Variants in NCKAP5 observed in about 807,000 individuals in gnomAD.
NCKAP5 encodes nck-associated protein 5.
In NCKAP5, 92 loss-of-function variants were observed where a neutral mutation model predicts 167.0. That is an observed-to-expected ratio of 0.55 (90% CI 0.47 to 0.66). NCKAP5 has a LOEUF of 0.66. NCKAP5 is among the 30% of genes least tolerant of loss of function. The probability of loss-of-function intolerance (pLI) is 0.00; values close to 1 mark genes in which losing one functional copy is unlikely to be tolerated. For missense variants in NCKAP5, 2,378 were observed against 2,315.0 expected (o/e 1.03, Z -0.56); for synonymous variants, 891 against 877.4 (o/e 1.02, Z -0.27).
At chr2:132,847,420 T>A (rs1688744455) in intron 11 of NCKAP5, among the ~76,000 whole-genome samples, 1 of 152,188 alleles carries the variant, frequency 6.6e-6, no homozygotes, top group African/African-American at 2.4e-5. Context: ...GGCAAGGTCA[T>A]GATATTAATG....
chr2:132,868,088 T>C (rs964173331), intron 10 of NCKAP5, among the ~76,000 whole-genome samples: 8 of 152,104 alleles, frequency 5.3e-5, no homozygotes, highest in African/African-American at 1.9e-4. Context: ...ATTAAAAAAA[T>C]CAAAATGGCA....
intron 4 of NCKAP5, among the ~76,000 whole-genome samples, chr2:133,275,321 T>A (rs1056736695): frequency 2.0e-5 from 3 of 152,016 alleles, no homozygotes; most frequent in African/African-American, 7.2e-5. Flanking sequence ...TGGATATATT[T>A]ATTAAGTTGA....
At chr2:132,703,314 G>A (rs1364432615) in intron 19 of NCKAP5, among the ~76,000 whole-genome samples, 1 of 152,150 alleles carries the variant, frequency 6.6e-6, no homozygotes, top group Non-Finnish European at 1.5e-5. Flanking sequence ...ATATTGTCAT[G>A]TTGGGACATG....
intron 19 of NCKAP5, among the ~76,000 whole-genome samples, chr2:132,693,483 G>A (rs539665791): frequency 2.0e-5 from 3 of 152,124 alleles, no homozygotes; most frequent in African/African-American, 4.8e-5. Flanking sequence ...AGAGCTGTGC[G>A]GCTGCAAACC....
At chr2:133,467,516 T>C (rs929801650) in intron 3 of NCKAP5, among the ~76,000 whole-genome samples, 1 of 150,946 alleles carries the variant, frequency 6.6e-6, no homozygotes, top group African/African-American at 2.4e-5. Flanking sequence ...AGAATGATGC[T>C]GGCCTCATAA....
At chr2:133,321,489 G>A (rs1407731231) in intron 3 of NCKAP5, among the ~76,000 whole-genome samples, 4 of 152,190 alleles carry the variant, frequency 2.6e-5, no homozygotes, top group Non-Finnish European at 5.9e-5. Context: ...CAAGTACTTT[G>A]TCATATTAAG....
chr2:133,215,398 C>T (rs765547183), intron 4 of NCKAP5, among the ~76,000 whole-genome samples: 3 of 152,164 alleles, frequency 2.0e-5, no homozygotes, highest in Non-Finnish European at 2.9e-5. Flanking sequence ...AGAGGTAACA[C>T]TGGCAAATAC....
At chr2:132,838,320 C>T (rs6723634) in intron 11 of NCKAP5, among the ~76,000 whole-genome samples, 13,688 of 152,050 alleles carry the variant, frequency 0.09, 984 homozygotes, top group African/African-American at 0.2. Context: ...TCCATCTGCT[C>T]CCCCTCTTCT....
At chr2:133,028,014 T>C (rs79955718) in intron 6 of NCKAP5, among the ~76,000 whole-genome samples, 6,956 of 152,302 alleles carry the variant, frequency 0.046, 233 homozygotes, top group Middle Eastern at 0.13. Flanking sequence ...CGACAAGATA[T>C]GCAAAGGAAA....
At chr2:133,205,387 C>T (rs1464369501) in intron 5 of NCKAP5, among the ~76,000 whole-genome samples, 1 of 152,058 alleles carries the variant, frequency 6.6e-6, no homozygotes, top group Non-Finnish European at 1.5e-5. Flanking sequence ...TAAAATTGTC[C>T]ATTTTATTCT....
chr2:132,820,605 T>C (rs1360328498), intron 11 of NCKAP5, among the ~76,000 whole-genome samples: 1 of 152,142 alleles, frequency 6.6e-6, no homozygotes, highest in African/African-American at 2.4e-5. Flanking sequence ...TTGAGAATCC[T>C]TTACAGAATA....
intron 11 of NCKAP5, among the ~76,000 whole-genome samples, chr2:132,799,495 C>CAGAAGTGG (rs1301185491): frequency 2.0e-5 from 3 of 152,116 alleles, no homozygotes; most frequent in African/African-American, 7.2e-5. Context: ...AAAAGAAAGA[C>CAGAAGTGG]AGAAGTGGCT....
intron 6 of NCKAP5, among the ~76,000 whole-genome samples, chr2:132,999,707 T>G (rs551377760): frequency 2.9e-4 from 44 of 152,304 alleles, no homozygotes; most frequent in African/African-American, 1.1e-3. Flanking sequence ...TATTCCAACA[T>G]GTAAATGACT....
chr2:133,526,224 GAAGA>G (rs760103421), intron 2 of NCKAP5, among the ~76,000 whole-genome samples: 3,751 of 114,328 alleles, frequency 0.033, 396 homozygotes, highest in African/African-American at 0.11. Flanking sequence ...AGGAAGGAAG[GAAGA>G]AAGGAAAGGA....
intron 7 of NCKAP5, among the ~76,000 whole-genome samples, chr2:132,976,603 T>C (rs1341425995): frequency 1.3e-5 from 2 of 150,608 alleles, no homozygotes; most frequent in Non-Finnish European, 3.0e-5. Flanking sequence ...AGAGTAAGTA[T>C]ACTTAACAAT....
chr2:133,504,459 T>A (rs1198082138), intron 3 of NCKAP5, among the ~76,000 whole-genome samples: 1 of 151,554 alleles, frequency 6.6e-6, no homozygotes, highest in Non-Finnish European at 1.5e-5. Flanking sequence ...AAGGTAGCAA[T>A]GTACCAGAGC....
intron 3 of NCKAP5, among the ~76,000 whole-genome samples, chr2:133,314,501 C>A (rs886085291): frequency 6.6e-6 from 1 of 152,162 alleles, no homozygotes; most frequent in Middle Eastern, 3.2e-3. Context: ...GGGGACCACT[C>A]TGTAAATCAC....
intron 6 of NCKAP5, among the ~76,000 whole-genome samples, chr2:133,098,302 T>C (rs948677039): frequency 5.3e-5 from 8 of 152,246 alleles, no homozygotes; most frequent in African/African-American, 1.2e-4. Flanking sequence ...TTAGGGTTTT[T>C]GGCATCACTT....
chr2:133,472,867 C>T (rs992914080), intron 3 of NCKAP5, among the ~76,000 whole-genome samples: 3 of 152,086 alleles, frequency 2.0e-5, no homozygotes, highest in African/African-American at 7.2e-5. Context: ...TGCAGTGCTG[C>T]CTTAGAAATC....
Sources: allele counts gnomAD v4.1 joint callset (sites outside exome capture counted in the v4.1 genomes callset), GRCh38; gene constraint gnomAD v4.1.1; transcripts MANE v1.5; gene names NCBI Gene and HGNC (gene_info 2026-07-23, HGNC 2026-07-21).